The following SYT1 variants were observed in gnomAD, a reference collection of about 807,000 sequenced individuals.
SYT1 encodes synaptotagmin 1.
Under a neutral mutation model 44.8 loss-of-function variants are expected in SYT1, and 8 were observed. The ratio of observed to expected loss-of-function variants is 0.18; its 90% CI spans 0.10 to 0.32. SYT1 has a LOEUF of 0.32. Ranked by LOEUF, SYT1 falls within the 10% of genes least tolerant of loss-of-function variation. SYT1 has a pLI of 1.00. For missense variants in SYT1, 286 were observed against 509.3 expected (o/e 0.56, Z 4.22); for synonymous variants, 154 against 188.8 (o/e 0.82, Z 1.51).
chr12:79,054,131 T>C (rs778173190), intron 3 of SYT1, among the ~76,000 whole-genome samples: 3 of 152,056 alleles, frequency 2.0e-5, no homozygotes, highest in Non-Finnish European at 4.4e-5. Context: ...TTTATAAGGT[T>C]AGCTTACTTA....
chr12:79,259,924 C>G (rs1473703069), intron 4 of SYT1, among the ~76,000 whole-genome samples: 1 of 152,100 alleles, frequency 6.6e-6, no homozygotes, highest in Non-Finnish European at 1.5e-5. Flanking sequence ...GTTTTGATTC[C>G]ACCGTTCCTT....
At position 79,404,753 on chromosome 12, in the gene SYT1, C is replaced by G. The variant is rs980294212; in HGVS notation, c.929-39320C>G. The stretch of plus-strand genomic sequence containing the variant: ...ATAATTACTTATGTAAATTATATGG[C>G]AAGAATTTCCCAGGCCTTTAGGGAA... On this transcript the variant is annotated intron_variant, in intron 9 of 10. Transcript: ENST00000261205. Among the ~76,000 whole-genome samples the G allele has an allele frequency of 2.0e-5, 3 of 152,262 alleles. No individual in the cohort carries two copies. The East Asian group carries it at 5.8e-4, about 29-fold the overall frequency.
At chr12:78,888,830 C>A (rs1874887586) in intron 1 of SYT1, among the ~76,000 whole-genome samples, 1 of 151,868 alleles carries the variant, frequency 6.6e-6, no homozygotes, top group African/African-American at 2.4e-5. Context: ...TCTATTTTTA[C>A]TTTGGAGCGC....
chr12:79,280,489 CAA>C (rs79177676), intron 4 of SYT1, among the ~76,000 whole-genome samples: 23 of 151,168 alleles, frequency 1.5e-4, no homozygotes, highest in African/African-American at 5.3e-4. Flanking sequence ...TGACCATATA[CAA>C]AAAAAATTAA....
Position 79,293,410 on chromosome 12 carries a change from T to TAAAA in SYT1, c.474+1280_474+1281insAAAA, listed in dbSNP as rs1491415574. ...TAAAATAAAATAAAATAAAATAAAA[T>TAAAA]TAAAAAATCTGTAAGACATAGCCCT... is the stretch of plus-strand genomic sequence containing the variant. On this transcript the variant is annotated intron_variant, in intron 6 of 10. Coordinates refer to ENST00000261205, the MANE Select transcript of SYT1 (RefSeq NM_005639.3). 3.5e-3 allele frequency among the ~76,000 whole-genome samples: 235 copies of TAAAA among 66,902 alleles called. 15 individuals carry two copies. Among genetic ancestry groups the TAAAA allele is most frequent in the African/African-American group, 0.011 (208 of 18,476 alleles). The allele number at this position is 66,902 out of a possible 152,430, so 43.9% of individuals were successfully genotyped here.
chr12:78,954,827 C>T (rs532473004), intron 1 of SYT1, among the ~76,000 whole-genome samples: 5 of 152,176 alleles, frequency 3.3e-5, no homozygotes, highest in Middle Eastern at 6.8e-3. Context: ...ATATTGCCTG[C>T]ATTATATTTC....
chr12:79,006,748 G>A (rs556206386), intron 2 of SYT1, among the ~76,000 whole-genome samples: 1 of 152,202 alleles, frequency 6.6e-6, no homozygotes, highest in South Asian at 2.1e-4. Context: ...GATTGCAATG[G>A]GGGAAAAGGG....
chr12:78,990,526 G>A (rs1869946912), intron 2 of SYT1, among the ~76,000 whole-genome samples: 1 of 152,052 alleles, frequency 6.6e-6, no homozygotes, highest in East Asian at 1.9e-4. Context: ...ATATCTACAT[G>A]TGTTTTTAAG....
At chr12:79,366,903 T>A (rs1232300288) in intron 9 of SYT1, among the ~76,000 whole-genome samples, 1 of 112,298 alleles carries the variant, frequency 8.9e-6, no homozygotes, top group Non-Finnish European at 1.8e-5. Flanking sequence ...ACTGTGTGTG[T>A]GTGTGTGTGT....
At chr12:79,125,277 C>T (rs1868369285) in intron 3 of SYT1, among the ~76,000 whole-genome samples, 1 of 151,946 alleles carries the variant, frequency 6.6e-6, no homozygotes, top group Non-Finnish European at 1.5e-5. Flanking sequence ...CTTGCTACTT[C>T]AGAACTTTAC....
chr12:79,412,694 G>A (rs751501609), intron 9 of SYT1, among the ~76,000 whole-genome samples: 4 of 151,974 alleles, frequency 2.6e-5, no homozygotes, highest in Non-Finnish European at 5.9e-5. Context: ...CTAAATCTTT[G>A]TTCATATCCA....
chr12:79,142,117 A>G (rs1869593717), intron 3 of SYT1, among the ~76,000 whole-genome samples: 2 of 152,222 alleles, frequency 1.3e-5, no homozygotes, highest in South Asian at 2.1e-4. Flanking sequence ...GCATATCTCA[A>G]GAAAGCTCCT....
intron 1 of SYT1, among the ~76,000 whole-genome samples, chr12:78,927,131 G>T (rs1323826206): frequency 1.3e-5 from 2 of 152,124 alleles, no homozygotes; most frequent in Non-Finnish European, 2.9e-5. Flanking sequence ...CAGGACCCAA[G>T]TCCTCTCCAT....
intron 1 of SYT1, among the ~76,000 whole-genome samples, chr12:78,866,475 C>T (rs907361834): frequency 6.6e-6 from 1 of 152,164 alleles, no homozygotes; most frequent in African/African-American, 2.4e-5. Flanking sequence ...TATCAAAACA[C>T]CAACATGCCC....
At chr12:78,975,128 G>A (rs1310381114) in intron 1 of SYT1, among the ~76,000 whole-genome samples, 2 of 36,210 alleles carry the variant, frequency 5.5e-5, no homozygotes, top group East Asian at 1.7e-3. Flanking sequence ...CCCCAAACCC[G>A]ACTAACTCCT....
chr12:79,085,834 TTTGAGTACTCTCCCCAAA>T (rs1341482103), intron 3 of SYT1, among the ~76,000 whole-genome samples: 2 of 152,142 alleles, frequency 1.3e-5, no homozygotes, highest in African/African-American at 4.8e-5. Flanking sequence ...GAGATGGGAC[TTTGAGTACTCTCCCCAAA>T]TCCTCAGAGA....
intron 3 of SYT1, among the ~76,000 whole-genome samples, chr12:79,065,888 T>C (rs1308167086): frequency 2.0e-5 from 3 of 151,892 alleles, no homozygotes; most frequent in Admixed American, 6.6e-5. Context: ...TTTTAAAAGA[T>C]TAAAAATTAC....
intron 2 of SYT1, among the ~76,000 whole-genome samples, chr12:79,020,250 G>A (rs149261203): frequency 2.0e-5 from 3 of 151,940 alleles, no homozygotes; most frequent in African/African-American, 7.2e-5. Context: ...CCCTAAATCA[G>A]TTTAACCAGC....
chr12:79,295,105 A>G (rs895719711), intron 6 of SYT1, among the ~76,000 whole-genome samples: 1 of 152,136 alleles, frequency 6.6e-6, no homozygotes, highest in Admixed American at 6.5e-5. Flanking sequence ...GCTGAGATGT[A>G]AAAACCTATG....
Sources: gnomAD v4.1 joint callset for allele counts (sites outside exome capture counted in the v4.1 genomes callset) on GRCh38, gnomAD v4.1.1 for gene constraint, MANE v1.5 for transcripts, NCBI Gene and HGNC (gene_info 2026-07-23, HGNC 2026-07-21) for gene names.